The following FAM135B variants were observed in gnomAD, a reference collection of about 807,000 sequenced individuals.
The protein encoded by FAM135B is family with sequence similarity 135 member B.
In FAM135B, 43 loss-of-function variants were observed where a neutral mutation model predicts 127.7. The ratio of observed to expected loss-of-function variants is 0.34; its 90% CI spans 0.26 to 0.43. FAM135B has a LOEUF of 0.43. FAM135B is among the 20% of genes least tolerant of loss of function. FAM135B has a pLI of 1.00. For synonymous variants in FAM135B, 670 were observed against 665.1 expected, an observed-to-expected ratio of 1.01 and a Z score of -0.11; for missense variants, 1,558 against 1,725.6, an observed-to-expected ratio of 0.90 and a Z score of 1.72.
At chr8:138,297,143 G>A (rs901682948) in intron 3 of FAM135B, among the ~76,000 whole-genome samples, 1 of 152,122 alleles carries the variant, frequency 6.6e-6, no homozygotes, top group East Asian at 1.9e-4. Context: ...CATCTGCTAC[G>A]TCACTCCCTC....
rs1274302962 is a variant in FAM135B at position 138,241,464 on chromosome 8, T to C, written c.669+1478A>G. Among the ~76,000 whole-genome samples the C allele has an allele frequency of 6.6e-6, 1 of 152,134 alleles. No individual in the cohort carries two copies. Among genetic ancestry groups the C allele is most frequent in the Admixed American group, 6.5e-5 (1 of 15,276 alleles). Reference sequence around the variant, plus strand: ...CTCTTTTCTTTGCTTCTCAGGACCATAAAATCATGTGACACAGCAGCTTGG... The same window carrying C: ...CTCTTTTCTTTGCTTCTCAGGACCACAAAATCATGTGACACAGCAGCTTGG... On this transcript the variant is annotated intron_variant, in intron 7 of 19. Transcript: ENST00000395297. This position sits in a 1 kb window ranked among gnomAD's most constrained non-coding sequence, Gnocchi z 4.8.
intron 7 of FAM135B, among the ~76,000 whole-genome samples, chr8:138,213,237 A>T (rs1166343851): frequency 1.3e-5 from 2 of 152,224 alleles, no homozygotes; most frequent in Admixed American, 6.5e-5. Flanking sequence ...ATTGTTGAAA[A>T]GATTAAACTT....
intron 11 of FAM135B, among the ~76,000 whole-genome samples, chr8:138,171,378 C>G (rs776577879): frequency 6.6e-6 from 1 of 152,142 alleles, no homozygotes; most frequent in Non-Finnish European, 1.5e-5. Context: ...CTCAGCTCAA[C>G]CAAAGGCAGT....
intron 7 of FAM135B, among the ~76,000 whole-genome samples, chr8:138,227,689 T>C (rs1382662163): frequency 6.6e-6 from 1 of 151,762 alleles, no homozygotes; most frequent in African/African-American, 2.4e-5. Context: ...CCTTGTGCTT[T>C]CTGGTGTGTT....
At chr8:138,305,902 A>G (rs557601254) in intron 3 of FAM135B, among the ~76,000 whole-genome samples, 49 of 152,296 alleles carry the variant, frequency 3.2e-4, no homozygotes, top group Non-Finnish European at 6.0e-4. Flanking sequence ...ACCACTTGAA[A>G]TTATATACAC....
intron 3 of FAM135B, among the ~76,000 whole-genome samples, chr8:138,273,427 G>A (rs75384591): frequency 0.023 from 3,555 of 152,216 alleles, 94 homozygotes; most frequent in East Asian, 0.08. Context: ...GCTGATCTCA[G>A]ACTCCTGACC....
chr8:138,455,182 G>A (rs965744273), intron 1 of FAM135B, among the ~76,000 whole-genome samples: 1 of 152,150 alleles, frequency 6.6e-6, no homozygotes, highest in Non-Finnish European at 1.5e-5. Context: ...TGGCACATAG[G>A]ACCTTCCAAA....
rs890618446 is a variant in FAM135B at position 138,151,901 on chromosome 8, T to C, written c.2574A>G (p.Gln858=). The change falls in exon 13 of 20, where the codon CAA becomes CAG. Residue 858 remains glutamine (Q), a synonymous_variant. Transcript: ENST00000395297. ...PKGKGKQFDA[Q]GHCLPDGRTE... Reference sequence around the variant, plus strand: ...TCCTGCCATCAGGAAGACAGTGTCCTTGAGCATCAAACTGCTTCCCTTTCC... The same window carrying C: ...TCCTGCCATCAGGAAGACAGTGTCCCTGAGCATCAAACTGCTTCCCTTTCC... The C allele has an allele frequency of 6.2e-7, 1 of 1,613,936 alleles. No individual in the cohort carries two copies. The highest frequency in any genetic ancestry group is 1.3e-5 in the African/African-American group (1 of 74,912).
intron 18 of FAM135B, among the ~76,000 whole-genome samples, chr8:138,137,839 C>T (rs1042163999): frequency 2.6e-5 from 4 of 152,098 alleles, no homozygotes; most frequent in Admixed American, 2.6e-4. Flanking sequence ...ACAGTGTATC[C>T]CTGCAGGCCT....
rs1424355101 is a variant in FAM135B at position 138,452,869 on chromosome 8, G to A, written c.-20+43802C>T. On this transcript the variant is annotated intron_variant, in intron 1 of 19. Coordinates refer to ENST00000395297, the MANE Select transcript of FAM135B (RefSeq NM_015912.4). ...AGTTTTCCCGTGCACCCGTCCACGAGACTCCCTAGATGTCCTCATGGCATG... is the reference window on the plus strand; with the variant it reads ...AGTTTTCCCGTGCACCCGTCCACGAAACTCCCTAGATGTCCTCATGGCATG... Among the ~76,000 whole-genome samples, 4 of 152,112 alleles carry A rather than the reference G, an allele frequency of 2.6e-5. No homozygotes were observed. The South Asian group carries it at 8.3e-4, about 32-fold the overall frequency.
intron 7 of FAM135B, among the ~76,000 whole-genome samples, chr8:138,227,068 G>A (rs1380941089): frequency 2.0e-5 from 3 of 152,170 alleles, no homozygotes; most frequent in Non-Finnish European, 4.4e-5. Context: ...CCTGCCTTCA[G>A]CAGGAAAGAT....
At chr8:138,376,210 T>C (rs1831462631) in intron 1 of FAM135B, among the ~76,000 whole-genome samples, 1 of 152,158 alleles carries the variant, frequency 6.6e-6, no homozygotes, top group Non-Finnish European at 1.5e-5. Flanking sequence ...CCCAAAGTGC[T>C]AGGATTACAG....
intron 19 of FAM135B, among the ~76,000 whole-genome samples, chr8:138,135,723 C>T (rs952477011): frequency 2.6e-5 from 4 of 152,216 alleles, no homozygotes; most frequent in African/African-American, 9.6e-5. Flanking sequence ...TTTACACATG[C>T]AAAGTCTTTC....
chr8:138,167,057 A>G (rs898643612), intron 12 of FAM135B, among the ~76,000 whole-genome samples: 3 of 151,952 alleles, frequency 2.0e-5, no homozygotes, highest in African/African-American at 7.3e-5. Flanking sequence ...ATACACACCA[A>G]TTCACCTAAT....
chr8:138,316,494 A>AAAAAAAAAAAAAAAC, intron 2 of FAM135B, among the ~76,000 whole-genome samples: 1 of 150,958 alleles, frequency 6.6e-6, no homozygotes, highest in African/African-American at 2.5e-5. Context: ...ACTCCGTCTC[A>AAAAAAAAAAAAAAAC]AAAAACAAAA....
chr8:138,301,704 C>T (rs562308900), intron 3 of FAM135B, among the ~76,000 whole-genome samples: 1 of 152,188 alleles, frequency 6.6e-6, no homozygotes, highest in Non-Finnish European at 1.5e-5. Flanking sequence ...CATCACCTTC[C>T]TCATGAAAGA....
At chr8:138,252,310 A>T (rs943191945) in intron 5 of FAM135B, among the ~76,000 whole-genome samples, 2 of 152,226 alleles carry the variant, frequency 1.3e-5, no homozygotes, top group Non-Finnish European at 2.9e-5. Flanking sequence ...AAAGCCAACA[A>T]GAGTTAATCA....
In FAM135B at chr8:138,317,811, C is replaced by T. The variant is rs377476304; in HGVS notation, c.78-6891G>A. Among the ~76,000 whole-genome samples, 2 of 152,164 alleles carry T rather than the reference C, an allele frequency of 1.3e-5. 1 individual carries two copies. The highest frequency in any genetic ancestry group is 4.1e-4 in the South Asian group (2 of 4,828). ...GGATATACGGGACAAGAAACAATAACCTACCATCAGAAAATCCCAGTGGAA... is the reference window on the plus strand; with the variant it reads ...GGATATACGGGACAAGAAACAATAATCTACCATCAGAAAATCCCAGTGGAA... On this transcript the variant is annotated intron_variant, in intron 2 of 19. Transcript: ENST00000395297.
Position 138,368,309 on chromosome 8 carries a change from A to C in FAM135B, c.-19-307T>G, listed in dbSNP as rs566016627. Among the ~76,000 whole-genome samples, 16 of 152,210 alleles carry C rather than the reference A, an allele frequency of 1.1e-4. No individual in the cohort carries two copies. The South Asian group carries it at 3.3e-3, about 32-fold the overall frequency. The stretch of plus-strand genomic sequence containing the variant: ...TGGAGACAACAACATCCCGGCCGAG[A>C]GCACATCCTTCATGGCCAAAGGCAC... On this transcript the variant is annotated intron_variant, in intron 1 of 19. Coordinates refer to ENST00000395297, the MANE Select transcript of FAM135B (RefSeq NM_015912.4).
Sources: allele counts gnomAD v4.1 joint callset (sites outside exome capture counted in the v4.1 genomes callset), GRCh38; gene constraint gnomAD v4.1.1; non-coding constraint Gnocchi (gnomAD v3.1); transcripts MANE v1.5; gene names NCBI Gene and HGNC (gene_info 2026-07-23, HGNC 2026-07-21).